Variants in XPO1 observed in about 807,000 individuals in gnomAD.
XPO1 encodes the protein exportin 1.
Under a neutral mutation model 133.3 loss-of-function variants are expected in XPO1, and 5 were observed. The observed-to-expected ratio is 0.04, with a 90% CI of 0.02 to 0.08. The LOEUF (loss-of-function observed/expected upper bound fraction) is 0.08. Ranked by LOEUF, XPO1 falls within the 10% of genes least tolerant of loss-of-function variation. XPO1 has a pLI of 1.00. For synonymous variants in XPO1, 419 were observed against 408.2 expected (o/e 1.03, Z -0.32); for missense variants, 506 against 1,267.5 (o/e 0.40, Z 9.12).
At chr2:61,517,544 C>T (rs1698454074) in intron 4 of XPO1, among the ~76,000 whole-genome samples, 1 of 152,120 alleles carries the variant, frequency 6.6e-6, no homozygotes, top group Non-Finnish European at 1.5e-5. Flanking sequence ...TATGATTGTG[C>T]CACTGTACTC....
At chr2:61,524,308 C>G (rs1165273346) in intron 3 of XPO1, among the ~76,000 whole-genome samples, 1 of 152,110 alleles carries the variant, frequency 6.6e-6, no homozygotes, top group Non-Finnish European at 1.5e-5. Flanking sequence ...TCTTATTTAA[C>G]CAAACTTTTT....
intron 3 of XPO1, 37 bp downstream of exon 3, chr2:61,526,383 A>G (rs1224249968): frequency 1.0e-5 from 16 of 1,590,142 alleles, no homozygotes; most frequent in Non-Finnish European, 1.4e-5. Flanking sequence ...GACTGGAAGA[A>G]AAGAAATAAC....
rs1179485053 is a variant in XPO1, at chr2:61,537,549, A to G, written c.-7+13T>C. On this transcript the variant is annotated intron_variant, in intron 1 of 24. Coordinates refer to ENST00000401558, the MANE Select transcript of XPO1 (RefSeq NM_003400.4). ...CCGCCCGACCCTCGGCCCCGAAGAC[A>G]CAGTCGACTTACCCAGAGATTGAAC... 3 of 149,174 alleles carry G rather than the reference A, an allele frequency of 2.0e-5. No homozygotes were observed. The East Asian group carries it at 6.0e-4, about 30-fold the overall frequency. 9.2% of individuals were successfully genotyped at this position (149,174 alleles called of 1,614,324 possible).
At chr2:61,525,312 C>A in intron 3 of XPO1, 1 of 986,104 alleles carries the variant, frequency 1.0e-6, no homozygotes, top group Non-Finnish European at 1.2e-6. Context: ...GTCAGTTGCA[C>A]AGGAAGACAC....
At chr2:61,502,395 A>T in intron 4 of XPO1, 85 bp from the exon 5 acceptor site, 2 of 1,279,310 alleles carry the variant, frequency 1.6e-6, no homozygotes. Flanking sequence ...TTAATGTGGG[A>T]ATGGAAAGAC....
chr2:61,494,240 T>C (rs1697131450), intron 11 of XPO1, 149 bp from the exon 12 acceptor site: 3 of 696,998 alleles, frequency 4.3e-6, no homozygotes, highest in Non-Finnish European at 6.9e-6. Context: ...GACAGCAAAC[T>C]CTGGAGTAAC....
At chr2:61,513,927 G>C (rs982326601) in intron 4 of XPO1, among the ~76,000 whole-genome samples, 2 of 152,140 alleles carry the variant, frequency 1.3e-5, no homozygotes, top group South Asian at 4.1e-4. Flanking sequence ...TTACACGCCT[G>C]TAATCCTAGC....
chr2:61,528,525 C>A (rs1699007406), intron 2 of XPO1, among the ~76,000 whole-genome samples: 1 of 151,322 alleles, frequency 6.6e-6, no homozygotes, highest in Non-Finnish European at 1.5e-5. Flanking sequence ...CCCAGCTACT[C>A]GGGAGGCTGA....
At chr2:61,479,064 T>C (rs1486496461) in intron 24 of XPO1, 98 bp from the exon 25 acceptor site, 1 of 1,397,594 alleles carries the variant, frequency 7.2e-7, no homozygotes, top group Non-Finnish European at 9.7e-7. Context: ...AAGGAAGGAA[T>C]ATAAATTATC....
chr2:61,499,108 G>A (rs1286711203), intron 7 of XPO1, among the ~76,000 whole-genome samples, 195 bp from the exon 8 acceptor site: 1 of 152,160 alleles, frequency 6.6e-6, no homozygotes, highest in Non-Finnish European at 1.5e-5. Context: ...ATTTCCTAAT[G>A]ACTACAACAA....
chr2:61,503,858 G>A (rs893952557), intron 4 of XPO1, among the ~76,000 whole-genome samples: 3 of 152,274 alleles, frequency 2.0e-5, no homozygotes, highest in East Asian at 1.9e-4. Flanking sequence ...TGAGCCACCA[G>A]GCCTGGCCCA....
intron 4 of XPO1, among the ~76,000 whole-genome samples, chr2:61,504,542 T>C (rs1418104797): frequency 1.3e-5 from 2 of 152,228 alleles, no homozygotes; most frequent in African/African-American, 2.4e-5. Flanking sequence ...AGATTTTTCA[T>C]TTTCATAGCG....
intron 11 of XPO1, among the ~76,000 whole-genome samples, chr2:61,495,146 C>T (rs1167950849): frequency 6.6e-6 from 1 of 151,920 alleles, no homozygotes; most frequent in African/African-American, 2.4e-5. Flanking sequence ...TTTAAATGAA[C>T]AAATGCATGT....
At chr2:61,518,793 C>T (rs1698540631) in intron 4 of XPO1, among the ~76,000 whole-genome samples, 1 of 152,106 alleles carries the variant, frequency 6.6e-6, no homozygotes, top group South Asian at 2.1e-4. Flanking sequence ...TAGACACACA[C>T]TTACGGCCTA....
chr2:61,508,005 T>C (rs537008747), intron 4 of XPO1, among the ~76,000 whole-genome samples: 3 of 152,250 alleles, frequency 2.0e-5, no homozygotes, highest in East Asian at 1.9e-4. Flanking sequence ...GACTTAGCAC[T>C]GGTACAATCT....
intron 2 of XPO1, among the ~76,000 whole-genome samples, chr2:61,527,321 C>CAAAAAAAAAAAAA: frequency 1.1e-5 from 1 of 92,658 alleles, no homozygotes; most frequent in Non-Finnish European, 2.0e-5. Context: ...CATGACTCTC[C>CAAAAAAAAAAAAA]AAAAAAAAAA....
intron 4 of XPO1, among the ~76,000 whole-genome samples, chr2:61,513,535 G>T (rs936554120): frequency 1.3e-5 from 2 of 150,982 alleles, no homozygotes; most frequent in South Asian, 4.2e-4. Context: ...CTGTTGACCA[G>T]GCTCGTCTCG....
chr2:61,498,579 G>A (rs897018124), intron 9 of XPO1, 94 bp downstream of exon 9: 2 of 1,488,684 alleles, frequency 1.3e-6, no homozygotes, highest in South Asian at 1.4e-5. Context: ...AAACAAGGTT[G>A]AATAAGGTTT....
chr2:61,482,788 A>G (rs1381394593), intron 22 of XPO1, 169 bp downstream of exon 22: 1 of 844,414 alleles, frequency 1.2e-6, no homozygotes, highest in African/African-American at 1.7e-5. Context: ...TGTATCTTTT[A>G]TTTTTTTATG....
Sources: gnomAD v4.1 joint callset for allele counts (sites outside exome capture counted in the v4.1 genomes callset) on GRCh38, gnomAD v4.1.1 for gene constraint, MANE v1.5 for transcripts, NCBI Gene and HGNC (gene_info 2026-07-23, HGNC 2026-07-21) for gene names.